SNX27: variants seen among roughly 807,000 people sequenced by gnomAD.
SNX27 encodes the protein sorting nexin-27.
SNX27 carries 22 observed loss-of-function variants against 71.6 expected under a neutral mutation model. That is an observed-to-expected ratio of 0.31 (90% confidence interval 0.22 to 0.44). The LOEUF (loss-of-function observed/expected upper bound fraction) is 0.44, where lower values mean the gene tolerates loss of function less well. SNX27 is among the 20% of genes least tolerant of loss of function. SNX27 has a pLI of 1.00. For synonymous variants in SNX27, 269 were observed against 277.2 expected (o/e 0.97, Z 0.29); for missense variants, 531 against 698.6 (o/e 0.76, Z 2.70).
At chr1:151,652,254 G>GGGAGAC (rs1558054347) in intron 2 of SNX27, among the ~76,000 whole-genome samples, 9 of 141,236 alleles carry the variant, frequency 6.4e-5, no homozygotes, top group African/African-American at 1.6e-4. Flanking sequence ...GAGACGGAGA[G>GGGAGAC]GGAGAGGGAG....
intron 1 of SNX27, among the ~76,000 whole-genome samples, chr1:151,630,751 C>T (rs371593577): frequency 5.9e-5 from 9 of 152,006 alleles, no homozygotes; most frequent in African/African-American, 1.9e-4. Flanking sequence ...GAATATTCTT[C>T]GGCCGGGCAC....
intron 2 of SNX27, among the ~76,000 whole-genome samples, chr1:151,652,777 G>T (rs1056487537): frequency 6.6e-6 from 1 of 151,998 alleles, no homozygotes; most frequent in East Asian, 1.9e-4. Flanking sequence ...CTGAAATTCT[G>T]TATCTGTTCA....
chr1:151,684,178 C>T (rs567781914), intron 8 of SNX27, among the ~76,000 whole-genome samples: 8 of 152,076 alleles, frequency 5.3e-5, no homozygotes, highest in Admixed American at 2.6e-4. Flanking sequence ...ATTTATGCTC[C>T]GTAGTGCTCT....
intron 1 of SNX27, among the ~76,000 whole-genome samples, chr1:151,625,290 GA>G (rs1667874271): frequency 6.6e-6 from 1 of 152,178 alleles, no homozygotes; most frequent in South Asian, 2.1e-4. Flanking sequence ...CAGATCACTT[GA>G]GGTCAGGGGT....
intron 7 of SNX27, among the ~76,000 whole-genome samples, chr1:151,672,753 T>G (rs2102702601): frequency 6.6e-6 from 1 of 152,184 alleles, no homozygotes; most frequent in South Asian, 2.1e-4. Context: ...ATCCATTTCT[T>G]TTAGATTTTA....
chr1:151,637,161 TGTTTTTTTG>T lies in SNX27; in HGVS notation c.312-1726_312-1718del, dbSNP rs1473330773. Among the ~76,000 whole-genome samples the T allele has an allele frequency of 6.1e-5, 6 of 97,698 alleles. 1 individual carries two copies. The highest frequency in any genetic ancestry group is 2.5e-4 in the African/African-American group (6 of 24,326). The allele number at this position is 97,698 out of a possible 152,430, so 64.1% of individuals were successfully genotyped here. Reference sequence around the variant, plus strand: ...TGATCAGAGTTGATCACGTTTTTTTTGTTTTTTTGTTTTTTTTTTTTGAGACAGAGTCTT... The same window carrying T: ...TGATCAGAGTTGATCACGTTTTTTTTTTTTTTTTTTTTGAGACAGAGTCTT... On this transcript the variant is annotated intron_variant, in intron 1 of 11. Coordinates refer to ENST00000458013, the MANE Select transcript of SNX27 (RefSeq NM_001330723.2).
intron 7 of SNX27, among the ~76,000 whole-genome samples, chr1:151,672,532 C>T (rs1670490311): frequency 6.6e-6 from 1 of 152,062 alleles, no homozygotes; most frequent in African/African-American, 2.4e-5. Context: ...GTATTCCCTC[C>T]TCCTCTCTTT....
At chr1:151,673,966 T>C (rs1303005803) in intron 7 of SNX27, among the ~76,000 whole-genome samples, 4 of 152,136 alleles carry the variant, frequency 2.6e-5, no homozygotes, top group Admixed American at 2.6e-4. Context: ...AACAGATCAG[T>C]GGTTCTTGTT....
chr1:151,643,506 G>T (rs957300225), intron 2 of SNX27, among the ~76,000 whole-genome samples: 1 of 150,858 alleles, frequency 6.6e-6, no homozygotes, highest in African/African-American at 2.4e-5. Context: ...TGTTGGCCAG[G>T]CTGGTCTTGA....
At chr1:151,654,781 G>A (rs1431413474) in intron 2 of SNX27, among the ~76,000 whole-genome samples, 1 of 152,054 alleles carries the variant, frequency 6.6e-6, no homozygotes, top group African/African-American at 2.4e-5. Flanking sequence ...GAGCAAATGG[G>A]GCCCAAACTC....
chr1:151,693,262 A>G, intron 10 of SNX27, 162 bp from the exon 11 acceptor site: 3 of 893,424 alleles, frequency 3.4e-6, no homozygotes, highest in African/African-American at 1.7e-5. Context: ...AGAAGGAGCT[A>G]GAGAATAGTG....
intron 7 of SNX27, among the ~76,000 whole-genome samples, chr1:151,682,326 G>A (rs1443323422): frequency 6.6e-6 from 1 of 151,592 alleles, no homozygotes; most frequent in Admixed American, 6.6e-5. Flanking sequence ...TTTTTTGTTT[G>A]TTTGTGCTTT....
chr1:151,615,688 A>G, intron 1 of SNX27: 10 of 983,202 alleles, frequency 1.0e-5, no homozygotes, highest in Non-Finnish European at 1.2e-5. Context: ...AGGTGAATGT[A>G]TGGACCTTGA....
At chr1:151,678,160 T>C (rs1195529368) in intron 7 of SNX27, 1 of 152,156 alleles carries the variant, frequency 6.6e-6, no homozygotes, top group Non-Finnish European at 1.5e-5. Context: ...CCTCCCAAAG[T>C]GTTGGGATTA....
At chr1:151,655,332 C>T (rs566938983) in intron 2 of SNX27, among the ~76,000 whole-genome samples, 1 of 152,260 alleles carries the variant, frequency 6.6e-6, no homozygotes, top group Non-Finnish European at 1.5e-5. Flanking sequence ...GATTCCATAA[C>T]CTGTGTGAAC....
chr1:151,664,265 C>T (rs1268170299), intron 5 of SNX27, among the ~76,000 whole-genome samples: 3 of 148,820 alleles, frequency 2.0e-5, no homozygotes, highest in African/African-American at 7.4e-5. Flanking sequence ...AATTTAGTCT[C>T]AGGTTTTTAG....
chr1:151,692,766 G>A, intron 9 of SNX27, 145 bp from the exon 10 acceptor site: 2 of 1,367,208 alleles, frequency 1.5e-6, no homozygotes, highest in Non-Finnish European at 2.0e-6. Context: ...CCACTGATTT[G>A]TATTCTTCTA....
At chr1:151,653,422 A>G (rs559113468) in intron 2 of SNX27, among the ~76,000 whole-genome samples, 1 of 152,278 alleles carries the variant, frequency 6.6e-6, no homozygotes, top group South Asian at 2.1e-4. Flanking sequence ...AGCTATCATT[A>G]CCTTTACTGT....
intron 2 of SNX27, among the ~76,000 whole-genome samples, chr1:151,649,876 T>A (rs1194298038): frequency 3.3e-5 from 5 of 151,938 alleles, no homozygotes; most frequent in African/African-American, 4.8e-5. Flanking sequence ...TGTCTAACTT[T>A]TATATTTTAT....
Sources: allele counts gnomAD v4.1 joint callset (sites outside exome capture counted in the v4.1 genomes callset), GRCh38; gene constraint gnomAD v4.1.1; transcripts MANE v1.5; gene names NCBI Gene and HGNC (gene_info 2026-07-23, HGNC 2026-07-21).